Variants in MTUS2 observed in about 807,000 individuals in gnomAD.
MTUS2 encodes the protein microtubule-associated tumor suppressor candidate 2.
In MTUS2, 40 loss-of-function variants were observed where a neutral mutation model predicts 114.1. The ratio of observed to expected loss-of-function variants is 0.35; its 90% CI spans 0.27 to 0.46. The LOEUF is 0.46. Among genes scored for constraint, MTUS2 ranks in the 20% least tolerant of loss-of-function variants. MTUS2 has a pLI of 1.00. For missense variants in MTUS2, 1,679 were observed against 1,705.4 expected (o/e 0.98, Z 0.27); for synonymous variants, 688 against 672.0 (o/e 1.02, Z -0.37).
chr13:29,499,376 G>T (rs1327398278), intron 14 of MTUS2, among the ~76,000 whole-genome samples: 1 of 152,208 alleles, frequency 6.6e-6, no homozygotes, highest in Non-Finnish European at 1.5e-5. Context: ...TCCAAGGGCA[G>T]CCCATCTTGA....
intron 8 of MTUS2, among the ~76,000 whole-genome samples, chr13:29,360,148 G>A (rs972491969): frequency 2.0e-5 from 3 of 152,192 alleles, no homozygotes; most frequent in African/African-American, 7.2e-5. Context: ...CACTGCATTT[G>A]TTCTCCACCT....
chr13:29,335,629 T>A (rs904715701), intron 7 of MTUS2, among the ~76,000 whole-genome samples: 3 of 152,076 alleles, frequency 2.0e-5, no homozygotes, highest in Non-Finnish European at 2.9e-5. Context: ...GCTTTAAAAT[T>A]TCTCTTTTTG....
At position 29,329,614 on chromosome 13, in the gene MTUS2, C is replaced by CT. The variant is rs34216714; in HGVS notation, c.2905+4921dup. 6.0e-3 allele frequency among the ~76,000 whole-genome samples: 634 copies of CT among 105,972 alleles called. 9 individuals are homozygous for CT. Among genetic ancestry groups the CT allele is most frequent in the African/African-American group, 0.017 (530 of 31,886 alleles). 69.5% of individuals were successfully genotyped at this position (105,972 alleles called of 152,430 possible). Reference sequence around the variant, plus strand: ...GCAATAAACATACATGTGCATGTGTCTTTTTTTTTTTTTTTTTTGAGATGA... The same window carrying CT: ...GCAATAAACATACATGTGCATGTGTCTTTTTTTTTTTTTTTTTTTGAGATGA... On this transcript the variant is annotated intron_variant, in intron 7 of 15. Transcript: ENST00000612955.
At chr13:29,174,754 A>G (rs989845) in intron 5 of MTUS2, among the ~76,000 whole-genome samples, 89,566 of 151,988 alleles carry the variant, frequency 0.59, 26,629 homozygotes, top group African/African-American at 0.64. Flanking sequence ...ACTTGGGTGG[A>G]ATAAATGGAA....
chr13:28,864,888 T>C (rs1158067005), intron 2 of MTUS2, among the ~76,000 whole-genome samples: 1 of 152,214 alleles, frequency 6.6e-6, no homozygotes, highest in Non-Finnish European at 1.5e-5. Context: ...TTTTTTAATA[T>C]TTGATTTTGC....
intron 2 of MTUS2, among the ~76,000 whole-genome samples, chr13:28,842,352 A>G (rs542717662): frequency 9.2e-5 from 14 of 152,182 alleles, no homozygotes; most frequent in Non-Finnish European, 1.9e-4. Flanking sequence ...ACTGTGGAAC[A>G]CCAAGGGGAG....
At chr13:29,273,920 A>C (rs915255670) in intron 5 of MTUS2, among the ~76,000 whole-genome samples, 1 of 152,180 alleles carries the variant, frequency 6.6e-6, no homozygotes, top group African/African-American at 2.4e-5. Flanking sequence ...TTCATTCATC[A>C]GTCGATGGGG....
intron 5 of MTUS2, among the ~76,000 whole-genome samples, chr13:29,247,944 G>T (rs889676103): frequency 1.3e-5 from 2 of 152,188 alleles, no homozygotes; most frequent in African/African-American, 4.8e-5. Context: ...AAAGACACTT[G>T]CACATGCATG....
At chr13:29,394,471 G>C (rs184506090) in intron 8 of MTUS2, among the ~76,000 whole-genome samples, 12 of 152,214 alleles carry the variant, frequency 7.9e-5, no homozygotes, top group African/African-American at 2.9e-4. Context: ...GTTAAGGTAA[G>C]GGGTTGTGGC....
chr13:29,368,487 A>G (rs1368855148), intron 8 of MTUS2, among the ~76,000 whole-genome samples: 1 of 152,206 alleles, frequency 6.6e-6, no homozygotes, highest in Non-Finnish European at 1.5e-5. Context: ...AGAAGAGAAG[A>G]TTTGAAACAT....
At chr13:28,842,146 C>G (rs933360440) in intron 2 of MTUS2, among the ~76,000 whole-genome samples, 5 of 151,940 alleles carry the variant, frequency 3.3e-5, no homozygotes, top group African/African-American at 9.7e-5. Flanking sequence ...TTGTTTACAT[C>G]TAAAACGACC....
intron 5 of MTUS2, among the ~76,000 whole-genome samples, chr13:29,184,053 C>G (rs749883279): frequency 2.6e-5 from 4 of 152,196 alleles, no homozygotes; most frequent in Admixed American, 6.5e-5. Context: ...AGCCATGTTA[C>G]GTTTTGCACA....
chr13:29,354,240 A>ATTTTT lies in MTUS2; in HGVS notation c.2906-5007_2906-5003dup, dbSNP rs5802516. On this transcript the variant is annotated intron_variant, in intron 7 of 15. Transcript: ENST00000612955. ...AACCATTGTCTTGTATATTTTGGGCATTTTTTTTTTTTTTTTTTTGCTGGT... is the reference window on the plus strand; with the variant it reads ...AACCATTGTCTTGTATATTTTGGGCATTTTTTTTTTTTTTTTTTTTTTTTGCTGGT... Among the ~76,000 whole-genome samples, 542 of 120,358 alleles carry ATTTTT rather than the reference A, an allele frequency of 4.5e-3. 4 individuals are homozygous for ATTTTT. Among genetic ancestry groups the ATTTTT allele is most frequent in the African/African-American group, 0.016 (515 of 31,798 alleles). The allele number at this position is 120,358 out of a possible 152,430, so 79.0% of individuals were successfully genotyped here.
chr13:28,843,904 CG>C (rs35614071), intron 2 of MTUS2, among the ~76,000 whole-genome samples: 1 of 152,066 alleles, frequency 6.6e-6, no homozygotes, highest in Non-Finnish European at 1.5e-5. Context: ...AAGCAGATAG[CG>C]GGGAGCTGTG....
chr13:29,415,054 A>T (rs1455315908), intron 8 of MTUS2, among the ~76,000 whole-genome samples: 1 of 150,040 alleles, frequency 6.7e-6, no homozygotes, highest in African/African-American at 2.5e-5. Context: ...TTCACTCAAG[A>T]GTTGTTTAAT....
chr13:29,257,496 C>T (rs1158746780), intron 5 of MTUS2, among the ~76,000 whole-genome samples: 1 of 152,196 alleles, frequency 6.6e-6, no homozygotes, highest in Non-Finnish European at 1.5e-5. Context: ...AATAAAAAAT[C>T]ATGATATATT....
At chr13:29,332,836 T>C (rs1248943648) in intron 7 of MTUS2, among the ~76,000 whole-genome samples, 2 of 151,982 alleles carry the variant, frequency 1.3e-5, no homozygotes. Context: ...GGGGTTTCAC[T>C]GTGTTAGCCA....
chr13:29,007,696 A>C (rs1017840532), intron 2 of MTUS2, among the ~76,000 whole-genome samples: 2 of 152,222 alleles, frequency 1.3e-5, no homozygotes, highest in Non-Finnish European at 2.9e-5. Flanking sequence ...ACTTCCATTT[A>C]ATGAATAGTA....
At chr13:28,895,247 A>G (rs1879196239) in intron 2 of MTUS2, among the ~76,000 whole-genome samples, 1 of 152,204 alleles carries the variant, frequency 6.6e-6, no homozygotes, top group Non-Finnish European at 1.5e-5. Context: ...CTGAGACAGC[A>G]TCCCTCTTGG....
Sources: allele counts gnomAD v4.1 joint callset (sites outside exome capture counted in the v4.1 genomes callset), GRCh38; gene constraint gnomAD v4.1.1; transcripts MANE v1.5; gene names NCBI Gene and HGNC (gene_info 2026-07-23, HGNC 2026-07-21).